The following VXN variants were observed in gnomAD, a reference collection of about 807,000 sequenced individuals.
The protein encoded by VXN is uncharacterized protein C8orf46.
Under a neutral mutation model 23.1 loss-of-function variants are expected in VXN, and 7 were observed. The observed-to-expected ratio is 0.30, with a 90% CI of 0.17 to 0.57. The LOEUF (loss-of-function observed/expected upper bound fraction) is 0.57. Among genes scored for constraint, VXN ranks in the 20% least tolerant of loss-of-function variants. The pLI, the probability that VXN is intolerant of heterozygous loss-of-function variation, is 0.91. For missense variants in VXN, 238 were observed against 272.6 expected, an observed-to-expected ratio of 0.87 and a Z score of 0.89; for synonymous variants, 120 against 105.8, an observed-to-expected ratio of 1.13 and a Z score of -0.83.
intron 3 of VXN, 27 bp from the exon 4 acceptor site, chr8:66,510,069 T>TG (rs1361655452): frequency 2.5e-6 from 4 of 1,604,870 alleles, no homozygotes; most frequent in Non-Finnish European, 3.4e-6. Flanking sequence ...TACCACTGAG[T>TG]AATATCTCCT....
chr8:66,507,806 A>C (rs1807776449), intron 3 of VXN, among the ~76,000 whole-genome samples: 1 of 152,152 alleles, frequency 6.6e-6, no homozygotes. Context: ...GAGGGAGGGA[A>C]TGTTTCTGAG....
intron 2 of VXN, 21 bp from the exon 3 acceptor site, chr8:66,505,354 C>A: frequency 6.4e-7 from 1 of 1,570,854 alleles, no homozygotes; most frequent in East Asian, 2.3e-5. Flanking sequence ...GTGGGCTAAC[C>A]GCGTTTCCCC....
chr8:66,496,646 C>G (rs1039331545), intron 2 of VXN, among the ~76,000 whole-genome samples, 154 bp downstream of exon 2: 2 of 152,174 alleles, frequency 1.3e-5, no homozygotes, highest in African/African-American at 4.8e-5. Context: ...TCCACTTAAC[C>G]AAAATAATTG....
intron 2 of VXN, among the ~76,000 whole-genome samples, chr8:66,504,014 G>A (rs1423538497): frequency 6.6e-6 from 1 of 152,180 alleles, no homozygotes; most frequent in Admixed American, 6.5e-5. Context: ...AGAAGAGGAG[G>A]CACTGTCCCC....
intron 3 of VXN, among the ~76,000 whole-genome samples, chr8:66,508,724 C>T (rs577406229): frequency 8.7e-4 from 132 of 152,304 alleles, no homozygotes; most frequent in African/African-American, 3.1e-3. Flanking sequence ...CCTAAATCAC[C>T]CTTACCTGGC....
chr8:66,494,973 T>G (rs569757148), intron 1 of VXN: 1 of 152,268 alleles, frequency 6.6e-6, no homozygotes, highest in African/African-American at 2.4e-5. Context: ...CATAGGTAGA[T>G]CTAAGCATAA....
At chr8:66,504,106 T>C (rs1807720835) in intron 2 of VXN, among the ~76,000 whole-genome samples, 1 of 152,030 alleles carries the variant, frequency 6.6e-6, no homozygotes, top group Non-Finnish European at 1.5e-5. Flanking sequence ...GCTGAGCAGC[T>C]AATGCCACTC....
At chr8:66,503,777 C>T (rs1157631694) in intron 2 of VXN, among the ~76,000 whole-genome samples, 1 of 152,152 alleles carries the variant, frequency 6.6e-6, no homozygotes, top group Non-Finnish European at 1.5e-5. Context: ...TCCTATAGTC[C>T]AGAAAATAAA....
intron 5 of VXN, chr8:66,514,090 A>T (rs1335161974): frequency 1.2e-5 from 2 of 168,364 alleles, no homozygotes; most frequent in African/African-American, 2.4e-5. Flanking sequence ...TTTCATCCAG[A>T]ACCGGCAGCT....
rs537063317 is a variant in VXN, at chr8:66,510,290, G to C, written c.342+133G>C. The C allele has an allele frequency of 2.5e-4, 188 of 751,218 alleles. No homozygotes were observed. The African/African-American group carries it at 3.0e-3, about 12-fold the overall frequency. 46.5% of individuals were successfully genotyped at this position (751,218 alleles called of 1,614,324 possible). A position where few individuals can be genotyped will look rare whatever the true frequency, so the allele number is the denominator to read the frequency against. ...TGAGGATTATTAGAAAAGCATAACT[G>C]GCAGTTCTTTGCTCCCAAAAGCTCT... On this transcript the variant is annotated intron_variant, in intron 4 of 5. Coordinates refer to ENST00000305454, the MANE Select transcript of VXN (RefSeq NM_152765.4).
At chr8:66,515,069 A>G (rs1203774539) in intron 5 of VXN, among the ~76,000 whole-genome samples, 1 of 152,250 alleles carries the variant, frequency 6.6e-6, no homozygotes, top group Non-Finnish European at 1.5e-5. Context: ...TAAATATCCA[A>G]AAAGATTGGA....
At chr8:66,510,179 A>G in intron 4 of VXN, 22 bp downstream of exon 4, 1 of 1,588,938 alleles carries the variant, frequency 6.3e-7, no homozygotes, top group Middle Eastern at 1.7e-4. Flanking sequence ...AAGCCTGCTT[A>G]GTTGTATCTG....
intron 5 of VXN, chr8:66,513,942 A>G (rs1329654608): frequency 6.3e-6 from 2 of 317,512 alleles, no homozygotes; most frequent in Non-Finnish European, 1.2e-5. Context: ...ATCACGAGCC[A>G]TATTCAGAAC....
At chr8:66,504,223 A>G (rs1448109542) in intron 2 of VXN, among the ~76,000 whole-genome samples, 1 of 152,154 alleles carries the variant, frequency 6.6e-6, no homozygotes, top group East Asian at 1.9e-4. Flanking sequence ...AGAGAAGGAA[A>G]TATTGGAAGG....
chr8:66,499,662 T>G (rs1807669058), intron 2 of VXN, among the ~76,000 whole-genome samples: 1 of 151,972 alleles, frequency 6.6e-6, no homozygotes, highest in African/African-American at 2.4e-5. Flanking sequence ...TTCAAGCAAT[T>G]CTTCTGCCTC....
In VXN at chr8:66,510,168, T is replaced by G; in HGVS notation, c.342+11T>G. The G allele has an allele frequency of 6.2e-7, 1 of 1,604,986 alleles. No homozygotes were observed. The highest frequency in any genetic ancestry group is 2.2e-5 in the East Asian group (1 of 44,832). ...TATGGAAAATCTCTGGTAAGTAAAA[T>G]AAGCCTGCTTAGTTGTATCTGTTGT... On this transcript the variant is annotated intron_variant, in intron 4 of 5. Transcript: ENST00000305454.
intron 5 of VXN, among the ~76,000 whole-genome samples, chr8:66,515,194 T>C (rs1051860818): frequency 1.3e-5 from 2 of 152,198 alleles, no homozygotes; most frequent in African/African-American, 4.8e-5. Flanking sequence ...AACCTTTCAG[T>C]CCACGTGGCT....
chr8:66,513,144 T>C (rs1458491611), intron 4 of VXN, among the ~76,000 whole-genome samples: 1 of 152,198 alleles, frequency 6.6e-6, no homozygotes, highest in Admixed American at 6.5e-5. Context: ...CAGGATTTAG[T>C]AACAAACTGG....
At chr8:66,495,309 T>A (rs1218568093) in intron 1 of VXN, among the ~76,000 whole-genome samples, 1 of 152,228 alleles carries the variant, frequency 6.6e-6, no homozygotes, top group Non-Finnish European at 1.5e-5. Context: ...ATTTACAAAA[T>A]TTTTAAAGGA....
Sources: allele counts gnomAD v4.1 joint callset (sites outside exome capture counted in the v4.1 genomes callset), GRCh38; gene constraint gnomAD v4.1.1; transcripts MANE v1.5; gene names NCBI Gene and HGNC (gene_info 2026-07-23, HGNC 2026-07-21).